Variants in KCNMB1 observed in about 807,000 individuals in gnomAD.
KCNMB1 encodes calcium-activated potassium channel subunit beta-1.
KCNMB1 carries 22 observed loss-of-function variants against 21.7 expected under a neutral mutation model. That is an observed-to-expected ratio of 1.01 (90% CI 0.72 to 1.45). The LOEUF (loss-of-function observed/expected upper bound fraction) is 1.45. Ranked by LOEUF, KCNMB1 falls within the 40% of genes most tolerant of loss-of-function variation. The pLI is 0.00. For synonymous variants in KCNMB1, 114 were observed against 107.6 expected (o/e 1.06, Z -0.37); for missense variants, 243 against 243.4 (o/e 1.00, Z 0.01).
At chr5:170,383,937 G>T (rs2339022) in intron 2 of KCNMB1, 87 bp from the exon 3 acceptor site, 1 of 1,378,980 alleles carries the variant, frequency 7.3e-7, no homozygotes, top group Non-Finnish European at 9.9e-7. Context: ...TCCCCTGGGA[G>T]CCTCTAGAGG....
Position 170,378,837 on chromosome 5 carries a change from A to AATAGGACGCTGGT in KCNMB1, c.430_442dup (p.Phe148TyrfsTer124). 6.2e-7 allele frequency: 1 copy of AATAGGACGCTGGT among 1,614,230 alleles called. No individual in the cohort carries two copies. The highest frequency in any genetic ancestry group is 1.1e-5 in the South Asian group (1 of 91,086). ...GGCCTGGGGCCCGTAGAGGCGCTGG[A>AATAGGACGCTGGT]ATAGGACGCTGGTTTCGTTCCCCCG... On this transcript the variant is annotated frameshift_variant, in exon 4 of 4. Transcript: ENST00000274629. LOFTEE classifies it high-confidence loss of function.
At chr5:170,379,035 G>T (rs1315977441) in intron 3 of KCNMB1, 62 bp from the exon 4 acceptor site, 6 of 1,560,000 alleles carry the variant, frequency 3.8e-6, no homozygotes, top group Non-Finnish European at 5.2e-6. Context: ...CCAAGGGCTT[G>T]ATATGGAGTA....
intron 1 of KCNMB1, among the ~76,000 whole-genome samples, chr5:170,386,024 G>T (rs314115): frequency 0.091 from 13,804 of 151,742 alleles, 773 homozygotes; most frequent in East Asian, 0.2. Flanking sequence ...TACAGGGGAG[G>T]CTGAGGCAGG....
intron 3 of KCNMB1, among the ~76,000 whole-genome samples, chr5:170,382,052 G>A (rs907998307): frequency 6.6e-6 from 1 of 151,886 alleles, no homozygotes. Flanking sequence ...GCCCCTTCCC[G>A]TCCCATCAGC....
chr5:170,379,290 C>T (rs1370458219), intron 3 of KCNMB1, among the ~76,000 whole-genome samples: 2 of 152,018 alleles, frequency 1.3e-5, no homozygotes, highest in Non-Finnish European at 2.9e-5. Flanking sequence ...CTTTCTGAGC[C>T]CTGAAGCTTC....
Position 170,378,674 on chromosome 5 carries a change from T to C in KCNMB1, c.*30A>G. The C allele has an allele frequency of 6.4e-7, 1 of 1,572,918 alleles. No homozygotes were observed. The highest frequency in any genetic ancestry group is 8.6e-7 in the Non-Finnish European group (1 of 1,160,816). ...GGGGCCCAGCCAGTCCCCTGTGCCC[T>C]GACAAGTGGTATGGCATGGATGGAT... On this transcript the variant is annotated 3_prime_UTR_variant, in exon 4 of 4. Transcript: ENST00000274629.
chr5:170,383,227 G>T, intron 3 of KCNMB1: 1 of 288,018 alleles, frequency 3.5e-6, no homozygotes, highest in Non-Finnish European at 6.5e-6. Flanking sequence ...TTCCTGGGGA[G>T]TCACCGGGAT....
At position 170,379,133 on chromosome 5, in the gene KCNMB1, T is replaced by C. The variant is rs1017521319; in HGVS notation, c.307-160A>G. 2.0e-5 allele frequency among the ~76,000 whole-genome samples: 3 copies of C among 152,238 alleles called. No homozygotes were observed. In the East Asian group the frequency reaches 5.8e-4, roughly 29 times the overall value. ...TGGCAGGCCATGCGCTGTACAGGTCTGGAGAGCACGCTCTCATTTGTGTCT... is the reference window on the plus strand; with the variant it reads ...TGGCAGGCCATGCGCTGTACAGGTCCGGAGAGCACGCTCTCATTTGTGTCT... On this transcript the variant is annotated intron_variant, in intron 3 of 3. Transcript: ENST00000274629.
At chr5:170,379,691 G>A (rs1404229329) in intron 3 of KCNMB1, among the ~76,000 whole-genome samples, 2 of 152,180 alleles carry the variant, frequency 1.3e-5, no homozygotes, top group Non-Finnish European at 2.9e-5. Flanking sequence ...GATCACACCT[G>A]TAATCCTAAC....
At chr5:170,379,955 A>T (rs1024355508) in intron 3 of KCNMB1, among the ~76,000 whole-genome samples, 1 of 152,012 alleles carries the variant, frequency 6.6e-6, no homozygotes, top group Non-Finnish European at 1.5e-5. Context: ...CCATTTCAAA[A>T]AAAAAAAAAA....
chr5:170,385,564 T>A, intron 1 of KCNMB1, 93 bp from the exon 2 acceptor site: 5 of 1,127,728 alleles, frequency 4.4e-6, no homozygotes, highest in Non-Finnish European at 5.2e-6. Flanking sequence ...GGTACTCAAC[T>A]ATTAATATCA....
intron 3 of KCNMB1, 79 bp downstream of exon 3, chr5:170,383,599 CG>C: frequency 6.6e-7 from 1 of 1,508,536 alleles, no homozygotes; most frequent in Non-Finnish European, 9.2e-7. Context: ...TTCTCAGCCT[CG>C]GGGACAGGGA....
At position 170,376,651 on chromosome 5, in the gene KCNMB1, G is replaced by T. The variant is rs1764018176; in HGVS notation, c.*2053C>A. 6.6e-6 allele frequency: 1 copy of T among 152,096 alleles called. No homozygotes were observed. The highest frequency in any genetic ancestry group is 6.5e-5 in the Admixed American group (1 of 15,282). The allele number at this position is 152,096 out of a possible 1,614,324, so 9.4% of individuals were successfully genotyped here. A position where few individuals can be genotyped will look rare whatever the true frequency, so the allele number is the denominator to read the frequency against. Reference sequence around the variant, plus strand: ...TGTGTCCCTGTGTTAGTTTGCTAAGGATAATATTTGGCCTCCAGCTCCATC... The same window carrying T: ...TGTGTCCCTGTGTTAGTTTGCTAAGTATAATATTTGGCCTCCAGCTCCATC... On this transcript the variant is annotated 3_prime_UTR_variant, in exon 4 of 4. Transcript: ENST00000274629.
In KCNMB1 at chr5:170,378,824, G is replaced by C. The variant is rs145466654; in HGVS notation, c.456C>G (p.Tyr152Ter). The part of the protein sequence containing the change: ...NETSVLFQRL[Y>*]GPQALLFSLF... Reference sequence around the variant, plus strand: ...GGGAGAAGAGGAGGGCCTGGGGCCCGTAGAGGCGCTGGAATAGGACGCTGG... The same window carrying C: ...GGGAGAAGAGGAGGGCCTGGGGCCCCTAGAGGCGCTGGAATAGGACGCTGG... The change falls in exon 4 of 4, where the codon TAC becomes TAG. Residue 152 changes from tyrosine (Y) to a stop codon, truncating the protein, a stop_gained. Coordinates refer to ENST00000274629, the MANE Select transcript of KCNMB1 (RefSeq NM_004137.4). LOFTEE classifies it high-confidence loss of function. The C allele has an allele frequency of 6.2e-7, 1 of 1,614,240 alleles. No individual in the cohort carries two copies. The highest frequency in any genetic ancestry group is 1.7e-5 in the Admixed American group (1 of 60,028).
chr5:170,383,628 A>G, intron 3 of KCNMB1, 51 bp downstream of exon 3: 1 of 1,598,714 alleles, frequency 6.3e-7, no homozygotes, highest in Middle Eastern at 1.7e-4. Flanking sequence ...GAACAGGCTC[A>G]CACACCTGAC....
intron 1 of KCNMB1, among the ~76,000 whole-genome samples, chr5:170,386,943 G>A (rs564234199): frequency 4.1e-4 from 62 of 152,032 alleles, no homozygotes; most frequent in African/African-American, 1.3e-3. Flanking sequence ...GCTCCTGATC[G>A]CTCCCCCAGG....
chr5:170,381,885 C>T (rs1172141211), intron 3 of KCNMB1, among the ~76,000 whole-genome samples: 1 of 152,194 alleles, frequency 6.6e-6, no homozygotes, highest in Non-Finnish European at 1.5e-5. Flanking sequence ...GTAGGAGCTG[C>T]CTCCAGTGGG....
chr5:170,387,003 G>A lies in KCNMB1; in HGVS notation c.-24-1532C>T, dbSNP rs114995604. Among the ~76,000 whole-genome samples, 332 of 152,150 alleles carry A rather than the reference G, an allele frequency of 2.2e-3. 1 individual carries two copies. The highest frequency in any genetic ancestry group is 7.6e-3 in the African/African-American group (315 of 41,512). On this transcript the variant is annotated intron_variant, in intron 1 of 3. Transcript: ENST00000274629. Reference sequence around the variant, plus strand: ...AAGAAACAGCCCCTCAATCTATGCCGCCTGGAGCCACAGAGATGCCCAGCC... The same window carrying A: ...AAGAAACAGCCCCTCAATCTATGCCACCTGGAGCCACAGAGATGCCCAGCC...
chr5:170,386,058 G>A (rs1191454757), intron 1 of KCNMB1, among the ~76,000 whole-genome samples: 2 of 151,650 alleles, frequency 1.3e-5, no homozygotes, highest in Non-Finnish European at 1.5e-5. Context: ...CCCAGGAGGC[G>A]GAGCTTGCAG....
Sources: gnomAD v4.1 joint callset for allele counts (sites outside exome capture counted in the v4.1 genomes callset) on GRCh38, gnomAD v4.1.1 for gene constraint, MANE v1.5 for transcripts, NCBI Gene and HGNC (gene_info 2026-07-23, HGNC 2026-07-21) for gene names.